The following CPSF6 variants were observed in gnomAD, a reference collection of about 807,000 sequenced individuals.
The protein encoded by CPSF6 is cleavage and polyadenylation specificity factor subunit 6.
Under a neutral mutation model 56.7 loss-of-function variants are expected in CPSF6, and 10 were observed. The ratio of observed to expected loss-of-function variants is 0.18; its 90% CI spans 0.11 to 0.30. The LOEUF (loss-of-function observed/expected upper bound fraction) is 0.30. Among genes scored for constraint, CPSF6 ranks in the 10% least tolerant of loss-of-function variants. CPSF6 has a pLI of 1.00. For synonymous variants in CPSF6, 248 were observed against 244.8 expected (o/e 1.01, Z -0.12); for missense variants, 419 against 722.9 (o/e 0.58, Z 4.82).
chr12:69,244,483 C>G (rs1281432701), intron 1 of CPSF6, among the ~76,000 whole-genome samples: 1 of 152,024 alleles, frequency 6.6e-6, no homozygotes, highest in African/African-American at 2.4e-5. Context: ...CTTGGCTTCC[C>G]AAAGCGCTGG....
intron 4 of CPSF6, among the ~76,000 whole-genome samples, chr12:69,257,443 A>C (rs1872559105): frequency 6.6e-6 from 1 of 152,242 alleles, no homozygotes; most frequent in South Asian, 2.1e-4. Flanking sequence ...ACTGAAATTA[A>C]GATATCTGTT....
intron 3 of CPSF6, among the ~76,000 whole-genome samples, chr12:69,256,101 T>A (rs961606262): frequency 2.0e-5 from 3 of 152,212 alleles, no homozygotes; most frequent in Admixed American, 6.5e-5. Flanking sequence ...GAAAACATGC[T>A]AGTTAAAGAA....
In CPSF6 at chr12:69,251,424, A is replaced by G. The variant is rs930712444; in HGVS notation, c.270+86A>G. 1.9e-4 allele frequency: 172 copies of G among 896,436 alleles called. No homozygotes were observed. In the African/African-American group the frequency reaches 2.3e-3, roughly 12 times the overall value. 55.5% of individuals were successfully genotyped at this position (896,436 alleles called of 1,614,324 possible). A position where few individuals can be genotyped will look rare whatever the true frequency, so the allele number is the denominator to read the frequency against. On this transcript the variant is annotated intron_variant, in intron 2 of 9. Coordinates refer to ENST00000435070, the MANE Select transcript of CPSF6 (RefSeq NM_007007.3). Reference sequence around the variant, plus strand: ...TTAATGTTTTTCTCCAGATTTTTATAAGTTTGAAGTTACTGTGTTTTTCTA... The same window carrying G: ...TTAATGTTTTTCTCCAGATTTTTATGAGTTTGAAGTTACTGTGTTTTTCTA...
At chr12:69,256,987 C>G in intron 4 of CPSF6, 145 bp downstream of exon 4, 1 of 718,322 alleles carries the variant, frequency 1.4e-6, no homozygotes, top group Non-Finnish European at 2.2e-6. Context: ...GATTTAATCA[C>G]TGGTTATGAC....
At chr12:69,252,340 C>T (rs909351271) in intron 2 of CPSF6, 1 of 265,060 alleles carries the variant, frequency 3.8e-6, no homozygotes, top group African/African-American at 2.3e-5. Context: ...TAACCAAGCT[C>T]TCAAAGTGCT....
Position 69,258,193 on chromosome 12 carries a change from C to A in CPSF6, c.694+288C>A. On this transcript the variant is annotated intron_variant, in intron 5 of 9. Coordinates refer to ENST00000435070, the MANE Select transcript of CPSF6 (RefSeq NM_007007.3). The surrounding 1 kb of genome is among the most constrained non-coding windows in gnomAD (Gnocchi z 4.2). ...GCTTGACTTATATATAGAATATTTA[C>A]ATCCGTCTTACTTTCTTACCTCTTA... 9.7e-7 allele frequency: 1 copy of A among 1,030,650 alleles called. No homozygotes were observed. The highest frequency in any genetic ancestry group is 1.4e-6 in the Non-Finnish European group (1 of 704,536). The allele number at this position is 1,030,650 out of a possible 1,614,324, so 63.8% of individuals were successfully genotyped here. A position where few individuals can be genotyped will look rare whatever the true frequency, so the allele number is the denominator to read the frequency against.
chr12:69,245,287 G>T (rs1404492865), intron 1 of CPSF6, among the ~76,000 whole-genome samples: 2 of 152,068 alleles, frequency 1.3e-5, no homozygotes, highest in Non-Finnish European at 2.9e-5. Context: ...AATGCATTGG[G>T]CTAAGATCGC....
At chr12:69,250,636 C>A (rs1462623894) in intron 1 of CPSF6, among the ~76,000 whole-genome samples, 1 of 103,368 alleles carries the variant, frequency 9.7e-6, no homozygotes, top group South Asian at 3.8e-4. Context: ...TAAAGGAAAC[C>A]CCCTTTTTTT....
Position 69,244,359 on chromosome 12 carries a change from G to T in CPSF6, c.60+4653G>T, listed in dbSNP as rs1404486713. Among the ~76,000 whole-genome samples, 5 of 152,008 alleles carry T rather than the reference G, an allele frequency of 3.3e-5. No individual in the cohort carries two copies. The East Asian group carries it at 9.7e-4, about 29-fold the overall frequency. On this transcript the variant is annotated intron_variant, in intron 1 of 9. Coordinates refer to ENST00000435070, the MANE Select transcript of CPSF6 (RefSeq NM_007007.3). ...CAAGCAGTTCTCCTGCCTCAGCTGG[G>T]ATTACAGGCACTCACCACCATGCCT...
chr12:69,253,673 T>C (rs995900695), intron 3 of CPSF6, among the ~76,000 whole-genome samples: 2 of 152,152 alleles, frequency 1.3e-5, no homozygotes, highest in African/African-American at 2.4e-5. Flanking sequence ...TTGGGCTTTT[T>C]CCTAAAAATA....
chr12:69,253,284 T>G (rs1872340147), intron 3 of CPSF6, 130 bp downstream of exon 3: 1 of 478,798 alleles, frequency 2.1e-6, no homozygotes, highest in Non-Finnish European at 3.8e-6. Flanking sequence ...ATTGTTTACA[T>G]TGGAAGGAGG....
intron 2 of CPSF6, among the ~76,000 whole-genome samples, chr12:69,252,498 C>A (rs868656127): frequency 6.6e-6 from 1 of 152,140 alleles, no homozygotes. Flanking sequence ...TGGATCTTAG[C>A]TCCACCATCT....
intron 1 of CPSF6, among the ~76,000 whole-genome samples, chr12:69,250,625 A>G (rs1447026988): frequency 7.3e-6 from 1 of 136,170 alleles, no homozygotes; most frequent in Non-Finnish European, 1.5e-5. Flanking sequence ...AAGAAAAGAA[A>G]TAAAGGAAAC....
intron 6 of CPSF6, 133 bp downstream of exon 6, chr12:69,259,227 G>A: frequency 8.0e-7 from 1 of 1,253,476 alleles, no homozygotes; most frequent in Non-Finnish European, 1.1e-6. Flanking sequence ...CTGCTACCCT[G>A]TTTTAGCTGA....
intron 1 of CPSF6, among the ~76,000 whole-genome samples, chr12:69,248,372 A>G (rs1872024217): frequency 6.6e-6 from 1 of 152,142 alleles, no homozygotes; most frequent in African/African-American, 2.4e-5. Context: ...TCTGCTGAGG[A>G]GGATGGAAAC....
In CPSF6 at chr12:69,258,917, C is replaced by T. The variant is rs775771978; in HGVS notation, c.1022C>T (p.Pro341Leu). 14 of 1,614,012 alleles carry T rather than the reference C, an allele frequency of 8.7e-6. No homozygotes were observed. The highest frequency in any genetic ancestry group is 1.7e-5 in the Admixed American group (1 of 60,000). Reference sequence around the variant, plus strand: ...CCACCCCTTACACTAGCTCCTCCTCCGCATCTTCCTGGACCACCTCCAGGT... The same window carrying T: ...CCACCCCTTACACTAGCTCCTCCTCTGCATCTTCCTGGACCACCTCCAGGT... Reference protein sequence around the residue: ...LGPPLTLAPPPHLPGPPPGAP... With the variant: ...LGPPLTLAPPLHLPGPPPGAP... Residue 341 changes from proline (P) to leucine (L), a missense_variant, in exon 6 of 10, where the codon CCG (proline) becomes CTG (leucine). This residue lies in a region of CPSF6 where 211 missense variants were observed against 296.0 expected (regional missense o/e 0.71). Coordinates refer to ENST00000435070, the MANE Select transcript of CPSF6 (RefSeq NM_007007.3). This position sits in a 1 kb window ranked among gnomAD's most constrained non-coding sequence, Gnocchi z 4.2.
In CPSF6 at chr12:69,272,542, C is replaced by T. The variant is rs148237348; in HGVS notation, c.*3034C>T. 2.1e-4 allele frequency: 32 copies of T among 151,680 alleles called. No homozygotes were observed. Among genetic ancestry groups the T allele is most frequent in the African/African-American group, 7.2e-4 (30 of 41,472 alleles). 9.4% of individuals were successfully genotyped at this position (151,680 alleles called of 1,614,324 possible). A position where few individuals can be genotyped will look rare whatever the true frequency, so the allele number is the denominator to read the frequency against. ...CAAGACTTTTCTGTTGGAGTGCTCT[C>T]GACATTTTGGTTTTCATACCTGAAT... is the stretch of plus-strand genomic sequence containing the variant. On this transcript the variant is annotated 3_prime_UTR_variant, in exon 10 of 10. Transcript: ENST00000435070.
intron 7 of CPSF6, 61 bp from the exon 8 acceptor site, chr12:69,259,983 G>A (rs1872677455): frequency 1.3e-6 from 2 of 1,583,014 alleles, no homozygotes; most frequent in Admixed American, 3.6e-5. Context: ...ATCCCAAGTG[G>A]TTTGATGGTG....
intron 9 of CPSF6, among the ~76,000 whole-genome samples, chr12:69,267,008 CAT>C (rs1319299330): frequency 1.3e-5 from 2 of 152,000 alleles, no homozygotes; most frequent in African/African-American, 4.8e-5. Flanking sequence ...AGAGTTAACT[CAT>C]ATGTAGATAA....
Sources: gnomAD v4.1 joint callset for allele counts (sites outside exome capture counted in the v4.1 genomes callset) on GRCh38, gnomAD v4.1.1 for gene constraint, gnomAD v4.1.1 regional missense constraint, Gnocchi (gnomAD v3.1) non-coding constraint, MANE v1.5 for transcripts, NCBI Gene and HGNC (gene_info 2026-07-23, HGNC 2026-07-21) for gene names.